The following TLR6 variants were observed in gnomAD, a reference collection of about 807,000 sequenced individuals.
TLR6 encodes toll like receptor 6.
In TLR6, 9 loss-of-function variants were observed where a neutral mutation model predicts 16.1. That is an observed-to-expected ratio of 0.56 (90% CI 0.34 to 0.98). The LOEUF (loss-of-function observed/expected upper bound fraction) is 0.98. Ranked by LOEUF, TLR6 falls within the 50% of genes least tolerant of loss-of-function variation. The pLI, the probability that TLR6 is intolerant of heterozygous loss-of-function variation, is 0.02. For missense variants in TLR6, 786 were observed against 921.0 expected, an observed-to-expected ratio of 0.85 and a Z score of 1.90; for synonymous variants, 340 against 338.6, an observed-to-expected ratio of 1.00 and a Z score of -0.04.
At chr4:38,862,931 A>T in the TLR6 span, among the ~76,000 whole-genome samples, 2 of 25,564 alleles carry the variant, frequency 7.8e-5, no homozygotes, top group Non-Finnish European at 1.4e-4. Flanking sequence ...TCTCCCATCT[A>T]AAAAAAAAAA....
At chr4:38,854,249 C>A (rs1712878223) in intron 1 of TLR6, among the ~76,000 whole-genome samples, 1 of 152,098 alleles carries the variant, frequency 6.6e-6, no homozygotes, top group Admixed American at 6.5e-5. Flanking sequence ...GATTAGATCT[C>A]AGTTAAGACA....
At chr4:38,830,961 A>C (rs558568247) in intron 1 of TLR6, among the ~76,000 whole-genome samples, 1 of 152,264 alleles carries the variant, frequency 6.6e-6, no homozygotes, top group South Asian at 2.1e-4. Context: ...GCATTAAAGG[A>C]ATCTCTAATT....
chr4:38,835,183 T>C (rs914588901), intron 1 of TLR6, among the ~76,000 whole-genome samples: 2 of 152,138 alleles, frequency 1.3e-5, no homozygotes, highest in South Asian at 2.1e-4. Flanking sequence ...ACTAGCTGAA[T>C]AGATTTTTTT....
At chr4:38,838,384 T>C (rs576240462) in intron 1 of TLR6, among the ~76,000 whole-genome samples, 1 of 152,340 alleles carries the variant, frequency 6.6e-6, no homozygotes, top group East Asian at 1.9e-4. Flanking sequence ...TAAAATGTGA[T>C]ATATATACCC....
chr4:38,835,441 G>C (rs1245776535), intron 1 of TLR6, among the ~76,000 whole-genome samples: 3 of 152,140 alleles, frequency 2.0e-5, no homozygotes, highest in Admixed American at 6.5e-5. Flanking sequence ...GTATATATGT[G>C]CCCCACACAG....
chr4:38,839,402 G>A (rs532902696), intron 1 of TLR6, among the ~76,000 whole-genome samples: 4 of 151,976 alleles, frequency 2.6e-5, no homozygotes, highest in Non-Finnish European at 5.9e-5. Flanking sequence ...ACTACGTGCT[G>A]TACTCAAAAA....
intron 1 of TLR6, among the ~76,000 whole-genome samples, chr4:38,829,883 C>T (rs1039560): frequency 0.62 from 93,944 of 152,126 alleles, 30,342 homozygotes; most frequent in African/African-American, 0.81. Flanking sequence ...TAAAGGCAAA[C>T]ATACTAGCTG....
upstream of TLR6, chr4:38,856,866 T>C (rs760760811): frequency 3.9e-5 from 6 of 152,178 alleles, no homozygotes; most frequent in African/African-American, 1.2e-4. Context: ...AAGCGGTACC[T>C]TAGAAACAGA....
In TLR6 at chr4:38,829,489, A is replaced by C. The variant is rs745767835; in HGVS notation, c.-16T>G. 1.8e-5 allele frequency: 27 copies of C among 1,530,204 alleles called. No homozygotes were observed. In the South Asian group the frequency reaches 3.0e-4, roughly 17 times the overall value. The allele number at this position is 1,530,204 out of a possible 1,614,324, so 94.8% of individuals were successfully genotyped here. ...CTTTGGTCATGATGTTGCAGTGGCTATCCTAAAGGGTTGTTCTTCTTCAGA... is the reference window on the plus strand; with the variant it reads ...CTTTGGTCATGATGTTGCAGTGGCTCTCCTAAAGGGTTGTTCTTCTTCAGA... On this transcript the variant is annotated 5_prime_UTR_variant, in exon 2 of 2. Coordinates refer to ENST00000436693, the Ensembl canonical transcript of TLR6.
upstream of TLR6, among the ~76,000 whole-genome samples, chr4:38,858,769 GA>G (rs1713097102): frequency 3.9e-5 from 3 of 76,342 alleles, no homozygotes; most frequent in East Asian, 6.1e-4. Context: ...GAGAGAGAGA[GA>G]GAGAGGGAGA....
At chr4:38,826,017 G>GATTCCAA in exon 2 of TLR6, 1 of 151,800 alleles carries the variant, frequency 6.6e-6, no homozygotes, top group South Asian at 2.1e-4. Context: ...CCCACCCTCG[G>GATTCCAA]ACTCCAGCAA....
Position 38,832,045 on chromosome 4 carries a change from T to A in TLR6, c.-64-2508A>T, listed in dbSNP as rs370232710. 2.6e-5 allele frequency among the ~76,000 whole-genome samples: 4 copies of A among 152,328 alleles called. No individual in the cohort carries two copies. In the East Asian group the frequency reaches 7.7e-4, roughly 29 times the overall value. On this transcript the variant is annotated intron_variant, in intron 1 of 1. Transcript: ENST00000436693. The stretch of plus-strand genomic sequence containing the variant: ...ATTTATGTCCACATAAAAGCCTCCA[T>A]GTGGATGTTTATAGAAGCTTTATTC...
Position 38,829,347 on chromosome 4 carries a change from G to T in TLR6, c.127C>A (p.Leu43Ile), listed in dbSNP as rs1236884930. ...GGTAGGTCTTTTGGAACATGAATAA[G>T]ACCTCTTTTTGACTTGTCTACTGCA... is the stretch of plus-strand genomic sequence containing the variant. Residue 43 changes from leucine (L) to isoleucine (I), a missense_variant, in exon 2 of 2, where the codon CTT becomes ATT. Transcript: ENST00000436693. The T allele has an allele frequency of 6.2e-6, 10 of 1,614,012 alleles. No individual in the cohort carries two copies. In the African/African-American group the frequency reaches 1.1e-4, roughly 17 times the overall value.
upstream of TLR6, among the ~76,000 whole-genome samples, chr4:38,858,776 GGA>G (rs1713099922): frequency 3.1e-5 from 1 of 32,542 alleles, no homozygotes; most frequent in Admixed American, 3.6e-4. Flanking sequence ...AGAGAGAGAG[GGA>G]GAGAGAGAGA....
chr4:38,860,388 C>A (rs1713168758), upstream of TLR6, among the ~76,000 whole-genome samples: 1 of 152,060 alleles, frequency 6.6e-6, no homozygotes, highest in African/African-American at 2.4e-5. Context: ...ACGAGAATCA[C>A]TTGAACCCAG....
intron 1 of TLR6, among the ~76,000 whole-genome samples, chr4:38,836,598 G>A (rs1195367037): frequency 6.6e-6 from 1 of 152,038 alleles, no homozygotes; most frequent in Admixed American, 6.6e-5. Context: ...AAAGATGAAG[G>A]TATTCCTCCT....
chr4:38,855,843 T>C (rs1450352481), intron 1 of TLR6, among the ~76,000 whole-genome samples: 1 of 141,726 alleles, frequency 7.1e-6, no homozygotes, highest in Non-Finnish European at 1.5e-5. Flanking sequence ...GATTAGAGAG[T>C]TCACAGTTTT....
exon 2 of TLR6, chr4:38,827,025 A>G: frequency 7.6e-7 from 1 of 1,317,526 alleles, no homozygotes; most frequent in Non-Finnish European, 1.0e-6. Context: ...TTACGACTGT[A>G]CTATTCACCA....
At chr4:38,844,444 G>A (rs1712427103) in intron 1 of TLR6, among the ~76,000 whole-genome samples, 1 of 152,104 alleles carries the variant, frequency 6.6e-6, no homozygotes, top group Non-Finnish European at 1.5e-5. Context: ...AGTAAAAAAT[G>A]TTACAAAACA....
Sources: allele counts gnomAD v4.1 joint callset (sites outside exome capture counted in the v4.1 genomes callset), GRCh38; gene constraint gnomAD v4.1.1; transcripts MANE v1.5; gene names NCBI Gene and HGNC (gene_info 2026-07-23, HGNC 2026-07-21).